Variants in ROR2 observed in about 807,000 individuals in gnomAD.
ROR2 encodes ROR family WNT receptor 2.
Under a neutral mutation model 74.9 loss-of-function variants are expected in ROR2, and 33 were observed. The ratio of observed to expected loss-of-function variants is 0.44; its 90% CI spans 0.33 to 0.59. The LOEUF is 0.59. ROR2 is among the 20% of genes least tolerant of loss of function. The pLI is 0.02. For missense variants in ROR2, 1,216 were observed against 1,313.8 expected (o/e 0.93, Z 1.15); for synonymous variants, 586 against 558.7 (o/e 1.05, Z -0.69).
chr9:91,874,151 C>T (rs1829885788), intron 1 of ROR2, among the ~76,000 whole-genome samples: 1 of 152,194 alleles, frequency 6.6e-6, no homozygotes, highest in Non-Finnish European at 1.5e-5. Flanking sequence ...GGAATCACCC[C>T]ACTTAGGGGA....
intron 1 of ROR2, among the ~76,000 whole-genome samples, chr9:91,832,862 G>A (rs1039658946): frequency 3.3e-5 from 5 of 152,172 alleles, no homozygotes; most frequent in Non-Finnish European, 5.9e-5. Context: ...CGTCCATCTT[G>A]GCAGAAATCG....
chr9:91,862,842 T>C (rs994123006), intron 1 of ROR2, among the ~76,000 whole-genome samples: 37 of 152,220 alleles, frequency 2.4e-4, no homozygotes, highest in African/African-American at 8.7e-4. Flanking sequence ...TATTTTGTTA[T>C]GGCAGCCCAA....
Position 91,725,066 on chromosome 9 carries a change from C to T in ROR2, c.1428G>A (p.Met476Ile), listed in dbSNP as rs763933207. ...CAAACCGGTCCTCTCCCAGCTCCTC[C>T]ATGAACCTCACCGCAGACAGGCTGA... ...KEISLSAVRFMEELGEDRFGK... is the reference protein window; with the variant it reads ...KEISLSAVRFIEELGEDRFGK... Residue 476 changes from methionine (M) to isoleucine (I), a missense_variant, in exon 9 of 9, where the codon ATG (methionine) becomes ATA (isoleucine). Transcript: ENST00000375708. The T allele has an allele frequency of 6.2e-7, 1 of 1,614,092 alleles. No homozygotes were observed. Among genetic ancestry groups the T allele is most frequent in the East Asian group, 2.2e-5 (1 of 44,870 alleles).
chr9:91,798,596 C>T (rs1329744943), intron 1 of ROR2, among the ~76,000 whole-genome samples: 5 of 144,626 alleles, frequency 3.5e-5, no homozygotes, highest in Non-Finnish European at 7.5e-5. Context: ...GGAGCTGACA[C>T]CCTGGGCTCT....
intron 1 of ROR2, among the ~76,000 whole-genome samples, chr9:91,786,622 C>T (rs563732702): frequency 1.3e-5 from 2 of 152,256 alleles, no homozygotes; most frequent in Non-Finnish European, 2.9e-5. Flanking sequence ...TGAGAGACTC[C>T]ACTTGTGGAG....
At chr9:91,859,579 T>G (rs1057148072) in intron 1 of ROR2, among the ~76,000 whole-genome samples, 1 of 151,910 alleles carries the variant, frequency 6.6e-6, no homozygotes, top group Non-Finnish European at 1.5e-5. Context: ...TCCCAGCACT[T>G]TGGGAGGCAG....
At chr9:91,908,798 G>A (rs1830880802) in intron 1 of ROR2, among the ~76,000 whole-genome samples, 3 of 152,252 alleles carry the variant, frequency 2.0e-5, no homozygotes, top group South Asian at 4.2e-4. Flanking sequence ...GATTTCAAGC[G>A]GAGGGTGCCA....
At chr9:91,782,558 A>G (rs1301432746) in intron 1 of ROR2, among the ~76,000 whole-genome samples, 1 of 148,666 alleles carries the variant, frequency 6.7e-6, no homozygotes, top group Non-Finnish European at 1.5e-5. Context: ...CACGTAAAAT[A>G]TACTAACACT....
At chr9:91,810,784 T>C (rs1827725344) in intron 1 of ROR2, among the ~76,000 whole-genome samples, 1 of 152,146 alleles carries the variant, frequency 6.6e-6, no homozygotes. Flanking sequence ...TGCATCCCAG[T>C]GGAGTCTACG....
chr9:91,839,206 C>A (rs1462341859), intron 1 of ROR2, among the ~76,000 whole-genome samples: 1 of 151,796 alleles, frequency 6.6e-6, no homozygotes, highest in African/African-American at 2.4e-5. Context: ...TACCAAAACA[C>A]CTCCTCCAAT....
intron 1 of ROR2, among the ~76,000 whole-genome samples, chr9:91,865,363 C>T (rs1383607216): frequency 2.0e-5 from 3 of 152,218 alleles, no homozygotes; most frequent in East Asian, 1.9e-4. Flanking sequence ...AATGACCCAA[C>T]TGTGAAACCA....
chr9:91,731,307 A>G, intron 6 of ROR2, 152 bp from the exon 7 acceptor site: 2 of 1,131,872 alleles, frequency 1.8e-6, no homozygotes, highest in Non-Finnish European at 2.6e-6. Flanking sequence ...TGAAGTCCCA[A>G]GCCCACAAAT....
At chr9:91,902,124 A>C (rs545999210) in intron 1 of ROR2, among the ~76,000 whole-genome samples, 1 of 152,224 alleles carries the variant, frequency 6.6e-6, no homozygotes, top group Non-Finnish European at 1.5e-5. Flanking sequence ...AGGGCTCCCC[A>C]CCACAGATGA....
chr9:91,893,213 G>A (rs1188729741), intron 1 of ROR2, among the ~76,000 whole-genome samples: 1 of 152,118 alleles, frequency 6.6e-6, no homozygotes, highest in Non-Finnish European at 1.5e-5. Context: ...ACCCCAGGCT[G>A]AAGCTGGGCA....
At chr9:91,776,589 AC>A (rs1826426576) in intron 1 of ROR2, among the ~76,000 whole-genome samples, 1 of 152,164 alleles carries the variant, frequency 6.6e-6, no homozygotes, top group Non-Finnish European at 1.5e-5. Flanking sequence ...CTGGTGCTGC[AC>A]CCCTGGGGGA....
At chr9:91,849,104 G>A (rs1270326102) in intron 1 of ROR2, among the ~76,000 whole-genome samples, 3 of 152,176 alleles carry the variant, frequency 2.0e-5, no homozygotes, top group Non-Finnish European at 4.4e-5. Context: ...CTTCGGAAGT[G>A]ACTCTAGGGC....
chr9:91,888,037 G>A (rs1277528418), intron 1 of ROR2, among the ~76,000 whole-genome samples: 2 of 151,972 alleles, frequency 1.3e-5, no homozygotes, highest in African/African-American at 2.4e-5. Flanking sequence ...TGATCTGCCC[G>A]CCTCGGCCTC....
At chr9:91,774,422 A>G (rs557463472) in intron 2 of ROR2, among the ~76,000 whole-genome samples, 88 of 152,186 alleles carry the variant, frequency 5.8e-4, no homozygotes, top group Non-Finnish European at 1.1e-3. Context: ...CCCCAAACCC[A>G]TAAGTTGAAG....
chr9:91,857,785 G>A (rs2119284519), intron 1 of ROR2, among the ~76,000 whole-genome samples: 1 of 152,132 alleles, frequency 6.6e-6, no homozygotes, highest in East Asian at 1.9e-4. Context: ...TGGAGCCACA[G>A]GGCAGCCCTT....
Sources: gnomAD v4.1 joint callset for allele counts (sites outside exome capture counted in the v4.1 genomes callset) on GRCh38, gnomAD v4.1.1 for gene constraint, MANE v1.5 for transcripts, NCBI Gene and HGNC (gene_info 2026-07-23, HGNC 2026-07-21) for gene names.